The following SLC35F4 variants were observed in gnomAD, a reference collection of about 807,000 sequenced individuals.
SLC35F4 encodes solute carrier family 35 member F4, also known as chromosome 14 open reading frame 36.
In SLC35F4, 24 loss-of-function variants were observed where a neutral mutation model predicts 44.2. The observed-to-expected ratio is 0.54, with a 90% CI of 0.39 to 0.76. SLC35F4 has a LOEUF of 0.76. SLC35F4 is among the 30% of genes least tolerant of loss of function. The probability of loss-of-function intolerance (pLI) is 0.00; values close to 1 mark genes in which losing one functional copy is unlikely to be tolerated. For synonymous variants in SLC35F4, 238 were observed against 223.6 expected (o/e 1.06, Z -0.57); for missense variants, 562 against 586.1 (o/e 0.96, Z 0.42).
At chr14:57,716,843 ATTTC>A (rs1028720958) in intron 1 of SLC35F4, among the ~76,000 whole-genome samples, 1 of 152,108 alleles carries the variant, frequency 6.6e-6, no homozygotes, top group Non-Finnish European at 1.5e-5. Context: ...TCTAGCTAAA[ATTTC>A]TTTCTGTTAA....
Position 57,865,979 on chromosome 14 carries a change from T to C in SLC35F4, c.-154A>G, listed in dbSNP as rs748308510. 9.5e-5 allele frequency: 40 copies of C among 420,286 alleles called. No homozygotes were observed. The highest frequency in any genetic ancestry group is 2.1e-4 in the South Asian group (4 of 18,640). The allele number at this position is 420,286 out of a possible 1,614,324, so 26.0% of individuals were successfully genotyped here. ...CTCCACCGCCCGGCGCAGCACCGGC[T>C]CCGCATCACAGCGGCGGCGGCGGCG... On this transcript the variant is annotated 5_prime_UTR_variant, in exon 1 of 8. Transcript: ENST00000556826.
intron 1 of SLC35F4, among the ~76,000 whole-genome samples, chr14:57,931,913 GA>G (rs1472332437): frequency 2.6e-5 from 4 of 152,234 alleles, no homozygotes; most frequent in African/African-American, 9.6e-5. Context: ...CTTTAGATGA[GA>G]TAGGAGAGCT....
intron 1 of SLC35F4, among the ~76,000 whole-genome samples, chr14:57,939,732 G>T (rs1889881798): frequency 6.6e-6 from 1 of 152,182 alleles, no homozygotes; most frequent in Non-Finnish European, 1.5e-5. Flanking sequence ...TCCCCAATGG[G>T]CTGGGAGTTG....
At chr14:57,955,551 A>G (rs1890220901) in intron 1 of SLC35F4, among the ~76,000 whole-genome samples, 1 of 152,238 alleles carries the variant, frequency 6.6e-6, no homozygotes, top group Admixed American at 6.5e-5. Flanking sequence ...CCATCAACTC[A>G]GCCGAAAATC....
At chr14:57,814,530 C>T (rs1882349167) in intron 1 of SLC35F4, among the ~76,000 whole-genome samples, 1 of 152,234 alleles carries the variant, frequency 6.6e-6, no homozygotes, top group East Asian at 1.9e-4. Context: ...TTCCCTAAAT[C>T]AAAGAACTCA....
intron 1 of SLC35F4, among the ~76,000 whole-genome samples, chr14:57,893,704 A>G (rs1888818535): frequency 6.6e-6 from 1 of 152,194 alleles, no homozygotes; most frequent in African/African-American, 2.4e-5. Context: ...GAGGGGCACC[A>G]AGCTTTAAAG....
At chr14:57,701,097 A>G (rs950927034) in intron 1 of SLC35F4, among the ~76,000 whole-genome samples, 2 of 152,120 alleles carry the variant, frequency 1.3e-5, no homozygotes, top group Admixed American at 6.6e-5. Flanking sequence ...TTGGCCTCCC[A>G]AAGTGCTGGG....
chr14:57,761,390 T>C (rs538096265), intron 1 of SLC35F4, among the ~76,000 whole-genome samples: 1 of 152,184 alleles, frequency 6.6e-6, no homozygotes, highest in South Asian at 2.1e-4. Flanking sequence ...CTAGGTGAAA[T>C]GTAAAGGGAT....
intron 4 of SLC35F4, among the ~76,000 whole-genome samples, chr14:57,576,352 A>C (rs2139750239): frequency 6.6e-6 from 1 of 152,300 alleles, no homozygotes; most frequent in South Asian, 2.1e-4. Flanking sequence ...TCCAAAGCCT[A>C]CAGCAGCCCC....
intron 1 of SLC35F4, among the ~76,000 whole-genome samples, chr14:57,625,587 T>C (rs1244062658): frequency 2.0e-5 from 3 of 152,176 alleles, no homozygotes; most frequent in Admixed American, 1.3e-4. Context: ...AGCATGGTAC[T>C]GGTACCAAAA....
At position 57,668,836 on chromosome 14, in the gene SLC35F4, C is replaced by T. The variant is rs578136071; in HGVS notation, c.104-74712G>A. Among the ~76,000 whole-genome samples the T allele has an allele frequency of 2.7e-3, 403 of 152,030 alleles. 4 individuals are homozygous for T. The highest frequency in any genetic ancestry group is 8.6e-3 in the African/African-American group (358 of 41,432). The stretch of plus-strand genomic sequence containing the variant: ...GGGCTCTTTTTTGATTCCATATGAA[C>T]TTTAAAGTAGTTTTTTCCAATTCTG... On this transcript the variant is annotated intron_variant, in intron 1 of 7. Transcript: ENST00000556826.
intron 1 of SLC35F4, among the ~76,000 whole-genome samples, chr14:57,669,238 A>G (rs970375508): frequency 4.6e-5 from 7 of 151,880 alleles, no homozygotes; most frequent in Admixed American, 1.3e-4. Flanking sequence ...GGGCTGAGAC[A>G]ATGGGGTTTT....
intron 1 of SLC35F4, among the ~76,000 whole-genome samples, chr14:57,746,123 T>C (rs1438858006): frequency 1.3e-5 from 2 of 152,092 alleles, no homozygotes; most frequent in Admixed American, 6.5e-5. Context: ...TTAGAAGATA[T>C]ATCTAATGTA....
intron 1 of SLC35F4, among the ~76,000 whole-genome samples, chr14:57,600,516 C>G (rs1167900560): frequency 6.7e-6 from 1 of 149,348 alleles, no homozygotes; most frequent in Non-Finnish European, 1.5e-5. Context: ...AACGGTGAAA[C>G]CCCGTCTCTA....
chr14:57,693,737 C>CT (rs2075299587), intron 1 of SLC35F4, among the ~76,000 whole-genome samples: 1 of 152,132 alleles, frequency 6.6e-6, no homozygotes. Context: ...GTGTGTGTGT[C>CT]TTTAATTCCT....
intron 1 of SLC35F4, among the ~76,000 whole-genome samples, chr14:57,622,627 C>T (rs1280248186): frequency 7.1e-6 from 1 of 141,348 alleles, no homozygotes; most frequent in African/African-American, 2.5e-5. Flanking sequence ...AATGAGAACA[C>T]ATGGACACAG....
chr14:57,904,935 T>C (rs1448271839), intron 1 of SLC35F4, among the ~76,000 whole-genome samples: 1 of 152,326 alleles, frequency 6.6e-6, no homozygotes, highest in African/African-American at 2.4e-5. Flanking sequence ...ATTTTGTGTC[T>C]TTATGACATG....
Position 57,602,208 on chromosome 14 carries a change from C to T in SLC35F4, c.104-8084G>A, listed in dbSNP as rs181512484. Among the ~76,000 whole-genome samples the T allele has an allele frequency of 6.6e-3, 998 of 151,112 alleles. 16 individuals carry two copies. Among genetic ancestry groups the T allele is most frequent in the Non-Finnish European group, 6.3e-3 (430 of 67,850 alleles). On this transcript the variant is annotated intron_variant, in intron 1 of 7. Coordinates refer to ENST00000556826, the MANE Select transcript of SLC35F4 (RefSeq NM_001306087.2). Reference sequence around the variant, plus strand: ...CTTCATAGAGGACAATGGATTCAAACAGATCAAAAAGCAAAGCAAGGTTTG... The same window carrying T: ...CTTCATAGAGGACAATGGATTCAAATAGATCAAAAAGCAAAGCAAGGTTTG...
chr14:57,592,334 A>G (rs1413459055), intron 2 of SLC35F4, among the ~76,000 whole-genome samples: 1 of 152,222 alleles, frequency 6.6e-6, no homozygotes, highest in Admixed American at 6.5e-5. Context: ...TTTTGAGATT[A>G]AGTACCATAA....
Sources: gnomAD v4.1 joint callset for allele counts (sites outside exome capture counted in the v4.1 genomes callset) on GRCh38, gnomAD v4.1.1 for gene constraint, MANE v1.5 for transcripts, NCBI Gene and HGNC (gene_info 2026-07-23, HGNC 2026-07-21) for gene names.